The following OCA2 variants were observed in gnomAD, a reference collection of about 807,000 sequenced individuals.
OCA2 encodes the protein OCA2 melanosomal transmembrane protein, also known as P protein.
Under a neutral mutation model 100.2 loss-of-function variants are expected in OCA2, and 77 were observed. That is an observed-to-expected ratio of 0.77 (90% CI 0.64 to 0.93). The LOEUF (loss-of-function observed/expected upper bound fraction) is 0.93, where lower values mean the gene tolerates loss of function less well. Ranked by LOEUF, OCA2 falls within the 40% of genes least tolerant of loss-of-function variation. The pLI is 0.00. For synonymous variants in OCA2, 432 were observed against 439.2 expected (o/e 0.98, Z 0.21); for missense variants, 1,062 against 1,089.1 (o/e 0.98, Z 0.35).
chr15:28,014,752 C>CG (rs1387886642), intron 9 of OCA2, 24 bp downstream of exon 9: 24 of 1,608,354 alleles, frequency 1.5e-5, no homozygotes, highest in Non-Finnish European at 2.0e-5. Flanking sequence ...CCAGACAGAT[C>CG]GGGGGAGCAG....
chr15:27,939,208 GTTTTC>G (rs2039561980), intron 18 of OCA2, among the ~76,000 whole-genome samples: 1 of 152,186 alleles, frequency 6.6e-6, no homozygotes, highest in Admixed American at 6.5e-5. Context: ...CATCATAGCT[GTTTTC>G]TTAACTTACT....
chr15:28,063,015 C>G (rs545204734), intron 2 of OCA2, among the ~76,000 whole-genome samples: 16 of 152,130 alleles, frequency 1.1e-4, no homozygotes, highest in Non-Finnish European at 1.9e-4. Context: ...TATTCTTTTA[C>G]AAGGTTGTTT....
At chr15:28,052,926 C>G (rs10152187) in intron 2 of OCA2, among the ~76,000 whole-genome samples, 1 of 152,108 alleles carries the variant, frequency 6.6e-6, no homozygotes, top group Non-Finnish European at 1.5e-5. Context: ...GCAAGTATAA[C>G]GCAAGGTGAA....
At chr15:28,017,135 G>A (rs2042422573) in intron 7 of OCA2, among the ~76,000 whole-genome samples, 1 of 152,126 alleles carries the variant, frequency 6.6e-6, no homozygotes, top group Non-Finnish European at 1.5e-5. Context: ...ACTGAAAATA[G>A]GATCTCTGAA....
intron 23 of OCA2, among the ~76,000 whole-genome samples, chr15:27,793,775 C>T (rs1317479745): frequency 6.6e-6 from 1 of 152,258 alleles, no homozygotes; most frequent in East Asian, 1.9e-4. Flanking sequence ...CTTTGTGTAG[C>T]TGCAGTTCTT....
chr15:27,908,454 C>T (rs2038261274), intron 19 of OCA2, among the ~76,000 whole-genome samples: 1 of 152,130 alleles, frequency 6.6e-6, no homozygotes, highest in East Asian at 1.9e-4. Flanking sequence ...TAGAGAAATA[C>T]TAAAGGCATT....
intron 9 of OCA2, among the ~76,000 whole-genome samples, chr15:28,000,553 C>A (rs1479250054): frequency 6.6e-6 from 1 of 152,070 alleles, no homozygotes; most frequent in Non-Finnish European, 1.5e-5. Flanking sequence ...CTGGTCTTGA[C>A]AATGATTTTT....
At chr15:27,761,460 TAA>T (rs984895392) in intron 23 of OCA2, among the ~76,000 whole-genome samples, 2 of 140,150 alleles carry the variant, frequency 1.4e-5, no homozygotes, top group African/African-American at 2.6e-5. Flanking sequence ...AAATGGTGAT[TAA>T]AAAAAAAAAA....
At chr15:27,843,922 G>T (rs1470208074) in intron 23 of OCA2, among the ~76,000 whole-genome samples, 1 of 152,178 alleles carries the variant, frequency 6.6e-6, no homozygotes, top group African/African-American at 2.4e-5. Context: ...CAAAGTTGAG[G>T]TTCCAAATCT....
chr15:27,903,531 C>T (rs115939109), intron 19 of OCA2, among the ~76,000 whole-genome samples: 2,455 of 152,232 alleles, frequency 0.016, 64 homozygotes, highest in African/African-American at 0.056. Context: ...TCTGTTGCCC[C>T]GGAGGCACTT....
chr15:27,824,602 C>CTCTCTCTATATATATATATATA, intron 23 of OCA2, among the ~76,000 whole-genome samples: 12 of 47,588 alleles, frequency 2.5e-4, no homozygotes, highest in African/African-American at 6.3e-4. Flanking sequence ...CTCTCTCTCT[C>CTCTCTCTATATATATATATATA]TATATATATA....
At chr15:27,743,706 G>A in the OCA2 span, among the ~76,000 whole-genome samples, 233 of 152,238 alleles carry the variant, frequency 1.5e-3, 1 homozygote, top group African/African-American at 5.2e-3. Flanking sequence ...AGTGGGTTTC[G>A]ATCAAATATC....
At chr15:27,925,625 TAA>T (rs2039015854) in intron 19 of OCA2, among the ~76,000 whole-genome samples, 1 of 152,242 alleles carries the variant, frequency 6.6e-6, no homozygotes, top group Non-Finnish European at 1.5e-5. Flanking sequence ...TCTGTGTTAG[TAA>T]ACCTTTCTGT....
rs76391343 is a variant in OCA2, at chr15:27,904,483, T to A, written c.2079+21644A>T. Among the ~76,000 whole-genome samples the A allele has an allele frequency of 1.3e-3, 204 of 151,770 alleles. 5 individuals are homozygous for A. In the East Asian group the frequency reaches 0.039, roughly 29 times the overall value. Reference sequence around the variant, plus strand: ...GAACTCTACTAGGGAGGTGCGGGGGTGGCTGAGAATGGCAGCCCCAGAGAA... The same window carrying A: ...GAACTCTACTAGGGAGGTGCGGGGGAGGCTGAGAATGGCAGCCCCAGAGAA... On this transcript the variant is annotated intron_variant, in intron 19 of 23. Transcript: ENST00000354638.
At chr15:27,884,595 T>C (rs2037150716) in intron 19 of OCA2, among the ~76,000 whole-genome samples, 1 of 152,192 alleles carries the variant, frequency 6.6e-6, no homozygotes, top group Non-Finnish European at 1.5e-5. Flanking sequence ...AATAAACTTC[T>C]TGTTATGTTG....
intron 6 of OCA2, among the ~76,000 whole-genome samples, 171 bp downstream of exon 6, chr15:28,022,330 G>A (rs752682765): frequency 3.3e-4 from 50 of 152,150 alleles, no homozygotes; most frequent in South Asian, 1.2e-3. Context: ...GGAGCTCCCC[G>A]CCCCTCTGTC....
chr15:27,771,998 C>T (rs2031903262), intron 23 of OCA2, among the ~76,000 whole-genome samples: 1 of 152,192 alleles, frequency 6.6e-6, no homozygotes. Context: ...ATTAAAATAA[C>T]TAAGTCTAGA....
intron 23 of OCA2, among the ~76,000 whole-genome samples, chr15:27,766,910 G>C (rs970988345): frequency 1.3e-5 from 2 of 152,166 alleles, no homozygotes; most frequent in African/African-American, 4.8e-5. Context: ...AACTGGAGAG[G>C]ATTTTCCTGT....
intron 14 of OCA2, 105 bp from the exon 15 acceptor site, chr15:27,966,927 A>G: frequency 8.0e-7 from 1 of 1,257,842 alleles, no homozygotes; most frequent in Non-Finnish European, 1.1e-6. Context: ...CCGGAGATGG[A>G]GACCATCCTG....
Sources: allele counts gnomAD v4.1 joint callset (sites outside exome capture counted in the v4.1 genomes callset), GRCh38; gene constraint gnomAD v4.1.1; transcripts MANE v1.5; gene names NCBI Gene and HGNC (gene_info 2026-07-23, HGNC 2026-07-21).